Variants in OXR1 observed in about 807,000 individuals in gnomAD.
The protein encoded by OXR1 is oxidation resistance 1.
Under a neutral mutation model 104.6 loss-of-function variants are expected in OXR1, and 41 were observed. That is an observed-to-expected ratio of 0.39 (90% confidence interval 0.31 to 0.51). The LOEUF (loss-of-function observed/expected upper bound fraction) is 0.51. OXR1 is among the 20% of genes least tolerant of loss of function. The pLI is 0.77. For missense variants in OXR1, 955 were observed against 1,031.9 expected (o/e 0.93, Z 1.02); for synonymous variants, 348 against 348.4 (o/e 1.00, Z 0.01).
chr8:106,461,133 C>A (rs1398866643), intron 2 of OXR1, among the ~76,000 whole-genome samples: 1 of 151,940 alleles, frequency 6.6e-6, no homozygotes, highest in Non-Finnish European at 1.5e-5. Context: ...CAAATTAGGG[C>A]TAGTGGTTTG....
chr8:106,467,165 G>A (rs755503617), intron 2 of OXR1, among the ~76,000 whole-genome samples: 1 of 151,866 alleles, frequency 6.6e-6, no homozygotes, highest in Non-Finnish European at 1.5e-5. Context: ...TGACCAAGAC[G>A]TCTCAAGGTC....
chr8:106,392,349 C>T (rs563985673), intron 2 of OXR1, among the ~76,000 whole-genome samples: 150 of 152,236 alleles, frequency 9.9e-4, no homozygotes, highest in African/African-American at 3.2e-3. Flanking sequence ...GTTTTGGAAA[C>T]GTTGAATTTG....
Position 106,519,147 on chromosome 8 carries a change from C to T in OXR1, c.220+8C>T, listed in dbSNP as rs940275670. On this transcript the variant is annotated splice_region_variant and intron_variant, in intron 3 of 16. Coordinates refer to ENST00000517566, the MANE Select transcript of OXR1 (RefSeq NM_001198533.2). ...AGAGGTTCTACACAATTGGTGAGCA[C>T]CAGATGTTTTATGCAAGTGAATAGA... 28 of 1,540,678 alleles carry T rather than the reference C, an allele frequency of 1.8e-5. No homozygotes were observed. In the Middle Eastern group the frequency reaches 5.0e-4, roughly 28 times the overall value.
rs181320374 is a variant in OXR1 at position 106,566,237 on chromosome 8, C to T, written c.220+47098C>T. On this transcript the variant is annotated intron_variant, in intron 3 of 16. Coordinates refer to ENST00000517566, the MANE Select transcript of OXR1 (RefSeq NM_001198533.2). ...TGCCATCTATCCATCTGACAAAGGG[C>T]GAAGATCCAGATTCTACAAGGAACT... is the stretch of plus-strand genomic sequence containing the variant. 2.8e-4 allele frequency among the ~76,000 whole-genome samples: 43 copies of T among 151,940 alleles called. No individual in the cohort carries two copies. The East Asian group carries it at 5.4e-3, about 19-fold the overall frequency.
chr8:106,474,958 T>C (rs1174657698), intron 2 of OXR1, among the ~76,000 whole-genome samples: 1 of 151,998 alleles, frequency 6.6e-6, no homozygotes, highest in Non-Finnish European at 1.5e-5. Flanking sequence ...CTCTGTTTAA[T>C]AGCTTTTGGC....
chr8:106,546,230 C>T (rs993821763), intron 3 of OXR1, among the ~76,000 whole-genome samples: 1 of 152,106 alleles, frequency 6.6e-6, no homozygotes, highest in Non-Finnish European at 1.5e-5. Flanking sequence ...TTGTTAGATA[C>T]CTCTGGCATG....
intron 15 of OXR1, among the ~76,000 whole-genome samples, chr8:106,745,572 G>A (rs1173445903): frequency 6.6e-6 from 1 of 152,038 alleles, no homozygotes; most frequent in Admixed American, 6.6e-5. Flanking sequence ...TTGAGAAATT[G>A]GAATTGAAAG....
chr8:106,670,319 C>G (rs1478850135), intron 3 of OXR1, among the ~76,000 whole-genome samples: 1 of 152,202 alleles, frequency 6.6e-6, no homozygotes, highest in African/African-American at 2.4e-5. Context: ...CTAGTGTCCT[C>G]AGGCACTTGA....
At chr8:106,322,639 T>C (rs2130185536) in intron 1 of OXR1, among the ~76,000 whole-genome samples, 1 of 152,254 alleles carries the variant, frequency 6.6e-6, no homozygotes, top group East Asian at 1.9e-4. Flanking sequence ...GAAAACCTTA[T>C]CAACTCATCC....
chr8:106,740,086 T>C (rs182623302), intron 13 of OXR1, among the ~76,000 whole-genome samples: 2 of 152,280 alleles, frequency 1.3e-5, no homozygotes, highest in African/African-American at 2.4e-5. Flanking sequence ...TTAAGTAATC[T>C]ATGTTTCTTA....
chr8:106,359,451 AT>A, intron 1 of OXR1, 24 bp from the exon 2 acceptor site: 2 of 614,438 alleles, frequency 3.3e-6, no homozygotes, highest in Non-Finnish European at 5.9e-6. Flanking sequence ...TACTAGAGAT[AT>A]TCATTTATTT....
intron 2 of OXR1, among the ~76,000 whole-genome samples, chr8:106,484,469 G>T (rs1454592597): frequency 3.3e-5 from 5 of 151,838 alleles, no homozygotes. Context: ...TTTTAAGAAA[G>T]CAAACAAAAG....
At chr8:106,417,145 C>G (rs1343639935) in intron 2 of OXR1, among the ~76,000 whole-genome samples, 1 of 152,056 alleles carries the variant, frequency 6.6e-6, no homozygotes, top group Non-Finnish European at 1.5e-5. Flanking sequence ...TCACTTCTGC[C>G]TTATATCAGC....
At chr8:106,568,707 C>G (rs1156699262) in intron 3 of OXR1, among the ~76,000 whole-genome samples, 1 of 152,110 alleles carries the variant, frequency 6.6e-6, no homozygotes, top group Admixed American at 6.6e-5. Context: ...TTCCTCATTG[C>G]TCCTTTCCAA....
chr8:106,710,577 T>G, intron 9 of OXR1, 45 bp from the exon 10 acceptor site: 1 of 1,319,468 alleles, frequency 7.6e-7, no homozygotes, highest in Non-Finnish European at 1.0e-6. Context: ...TACCTAAACT[T>G]GGTGTGTGAG....
chr8:106,580,841 C>A, intron 3 of OXR1: 1 of 247,624 alleles, frequency 4.0e-6, no homozygotes, highest in Non-Finnish European at 6.4e-6. Context: ...AGCAAAAATG[C>A]AGGGCCAATA....
chr8:106,702,521 A>G (rs2131354596), intron 7 of OXR1, among the ~76,000 whole-genome samples: 1 of 152,222 alleles, frequency 6.6e-6, no homozygotes, highest in Non-Finnish European at 1.5e-5. Context: ...TTGAGTCTGC[A>G]CTGTATACAT....
intron 2 of OXR1, among the ~76,000 whole-genome samples, chr8:106,504,056 A>G (rs1811992877): frequency 6.6e-6 from 1 of 152,216 alleles, no homozygotes. Context: ...TGATGCCAGC[A>G]AGTAAGATCC....
At position 106,592,280 on chromosome 8, in the gene OXR1, G is replaced by GA. The variant is rs1417658160; in HGVS notation, c.220+73147dup. Among the ~76,000 whole-genome samples, 7 of 152,000 alleles carry GA rather than the reference G, an allele frequency of 4.6e-5. No individual in the cohort carries two copies. In the South Asian group the frequency reaches 6.2e-4, roughly 14 times the overall value. On this transcript the variant is annotated intron_variant, in intron 3 of 16. Transcript: ENST00000517566. ...GTGTGAGTAAACAGCCAATAAATAA[G>GA]AAAAAATCAATAAATAATTTAAGAG...
Sources: gnomAD v4.1 joint callset for allele counts (sites outside exome capture counted in the v4.1 genomes callset) on GRCh38, gnomAD v4.1.1 for gene constraint, MANE v1.5 for transcripts, NCBI Gene and HGNC (gene_info 2026-07-23, HGNC 2026-07-21) for gene names.